Variants in TBC1D19 observed in about 807,000 individuals in gnomAD.
TBC1D19 encodes TBC1 domain family member 19.
A neutral mutation model predicts 89.0 loss-of-function variants in TBC1D19; 60 were observed. The observed-to-expected ratio is 0.67, with a 90% CI of 0.55 to 0.84. TBC1D19 has a LOEUF of 0.84. TBC1D19 is among the 40% of genes least tolerant of loss of function. TBC1D19 has a pLI of 0.00. For missense variants in TBC1D19, 500 were observed against 610.8 expected (o/e 0.82, Z 1.91); for synonymous variants, 189 against 199.7 (o/e 0.95, Z 0.45).
chr4:26,628,302 GT>G (rs1390818672), intron 4 of TBC1D19, among the ~76,000 whole-genome samples: 1 of 152,162 alleles, frequency 6.6e-6, no homozygotes, highest in African/African-American at 2.4e-5. Context: ...TTGAAGTATA[GT>G]TTGAAGTCAG....
At chr4:26,804,669 G>C in the TBC1D19 span, among the ~76,000 whole-genome samples, 3 of 152,130 alleles carry the variant, frequency 2.0e-5, no homozygotes, top group Non-Finnish European at 2.9e-5. Context: ...CGGCGGGCGG[G>C]AGCAGCCGCG....
At chr4:26,618,269 AC>A (rs1741822482) in intron 3 of TBC1D19, among the ~76,000 whole-genome samples, 1 of 152,216 alleles carries the variant, frequency 6.6e-6, no homozygotes, top group South Asian at 2.1e-4. Context: ...TACAAGGAAC[AC>A]GTAAGGCCGG....
the TBC1D19 span, among the ~76,000 whole-genome samples, chr4:26,819,894 T>C: frequency 1.3e-5 from 2 of 152,204 alleles, no homozygotes; most frequent in African/African-American, 4.8e-5. Flanking sequence ...TTCCCTTCCC[T>C]TGACCTGGAA....
intron 13 of TBC1D19, among the ~76,000 whole-genome samples, chr4:26,710,259 C>T (rs1484169492): frequency 2.1e-4 from 32 of 149,246 alleles, no homozygotes; most frequent in East Asian, 1.0e-3. Context: ...TCAATTCCCA[C>T]CTATGAGTGA....
At position 26,688,359 on chromosome 4, in the gene TBC1D19, A is replaced by C; in HGVS notation, c.906A>C (p.Thr302=). The stretch of plus-strand genomic sequence containing the variant: ...TTTAATTATAGGATGTGAAGTTGAC[A>C]GCAAGCAATGATGATTATTATTTTG... ...DSLIYKDVKL[T]ASNDDYYFVF... The change falls in exon 13 of 21, where the codon ACA becomes ACC. Residue 302 remains threonine, a synonymous_variant. Transcript: ENST00000264866. The C allele has an allele frequency of 6.4e-7, 1 of 1,570,766 alleles. No individual in the cohort carries two copies. Among genetic ancestry groups the C allele is most frequent in the Non-Finnish European group, 8.7e-7 (1 of 1,153,532 alleles).
At chr4:26,790,443 A>G in the TBC1D19 span, among the ~76,000 whole-genome samples, 1 of 152,244 alleles carries the variant, frequency 6.6e-6, no homozygotes, top group Non-Finnish European at 1.5e-5. Flanking sequence ...ATAGGTTGTT[A>G]TAAGAATTAA....
At chr4:26,793,382 T>C in the TBC1D19 span, among the ~76,000 whole-genome samples, 1 of 152,174 alleles carries the variant, frequency 6.6e-6, no homozygotes, top group East Asian at 1.9e-4. Context: ...TTCAAAGGGA[T>C]CAAATCAGCT....
the TBC1D19 span, among the ~76,000 whole-genome samples, chr4:26,809,312 C>G: frequency 6.6e-6 from 1 of 152,180 alleles, no homozygotes; most frequent in Admixed American, 6.5e-5. Context: ...CTCTGTTTTT[C>G]AGTTCCTATG....
intron 1 of TBC1D19, among the ~76,000 whole-genome samples, chr4:26,578,989 T>TA (rs1285423161): frequency 1.3e-5 from 2 of 152,232 alleles, no homozygotes; most frequent in Non-Finnish European, 2.9e-5. Flanking sequence ...TCCTGTCATG[T>TA]AATCTGCTAC....
At chr4:26,782,195 G>A in the TBC1D19 span, among the ~76,000 whole-genome samples, 2 of 152,206 alleles carry the variant, frequency 1.3e-5, no homozygotes, top group Non-Finnish European at 2.9e-5. Flanking sequence ...TGGTTCAGAT[G>A]TCAAAACTGA....
At chr4:26,612,855 A>C (rs933307568) in intron 1 of TBC1D19, among the ~76,000 whole-genome samples, 1 of 152,098 alleles carries the variant, frequency 6.6e-6, no homozygotes, top group African/African-American at 2.4e-5. Flanking sequence ...ATGAATTTAT[A>C]AAATCTGAGT....
chr4:26,596,617 G>GT (rs35281818), intron 1 of TBC1D19, among the ~76,000 whole-genome samples: 105,989 of 136,434 alleles, frequency 0.78, 44,755 homozygotes, highest in Non-Finnish European at 0.94. Flanking sequence ...CTTTCCTCCT[G>GT]TTTTTTTTTT....
intron 1 of TBC1D19, among the ~76,000 whole-genome samples, chr4:26,607,692 T>C (rs1741099352): frequency 6.6e-6 from 1 of 152,258 alleles, no homozygotes; most frequent in Non-Finnish European, 1.5e-5. Flanking sequence ...CTCTTTCAGA[T>C]GCACTAAATA....
intron 15 of TBC1D19, among the ~76,000 whole-genome samples, chr4:26,726,126 AACACACAC>A (rs56262902): frequency 0.11 from 13,901 of 127,014 alleles, 894 homozygotes; most frequent in African/African-American, 0.19. Context: ...CAATTCTCCC[AACACACAC>A]ACACACACAC....
In TBC1D19 at chr4:26,614,434, G is replaced by C; in HGVS notation, c.199G>C (p.Val67Leu). The change falls in exon 3 of 21, where the codon GTT (valine) becomes CTT (leucine). Residue 67 changes from valine to leucine, a missense_variant. Val to Leu is a conservative substitution (Grantham distance 32). Coordinates refer to ENST00000264866, the MANE Select transcript of TBC1D19 (RefSeq NM_018317.4). Reference protein sequence around the residue: ...SGWEKKLQNAVYSELSVFPLP... With the variant: ...SGWEKKLQNALYSELSVFPLP... ...TTGGGAGAAGAAACTTCAGAATGCT[G>C]TTTATAGTGAACTGAGTGTGTGAGT... The C allele has an allele frequency of 6.3e-7, 1 of 1,593,392 alleles. No individual in the cohort carries two copies. Among genetic ancestry groups the C allele is most frequent in the Non-Finnish European group, 8.5e-7 (1 of 1,170,908 alleles).
chr4:26,840,304 A>G, the TBC1D19 span, among the ~76,000 whole-genome samples: 1 of 151,892 alleles, frequency 6.6e-6, no homozygotes, highest in African/African-American at 2.4e-5. Flanking sequence ...ATGGTCTCAA[A>G]CTCCTGACCT....
intron 13 of TBC1D19, among the ~76,000 whole-genome samples, chr4:26,715,160 T>C (rs1325843584): frequency 1.3e-5 from 2 of 152,080 alleles, no homozygotes; most frequent in East Asian, 3.9e-4. Flanking sequence ...TCCATTTAGA[T>C]GTCTTGCAGA....
intron 1 of TBC1D19, among the ~76,000 whole-genome samples, chr4:26,600,406 A>G (rs1740513370): frequency 6.6e-6 from 1 of 152,234 alleles, no homozygotes; most frequent in African/African-American, 2.4e-5. Flanking sequence ...TAGAAAATAC[A>G]TATGTAAGGG....
chr4:26,750,294 A>G (rs1040117253), intron 19 of TBC1D19, among the ~76,000 whole-genome samples: 1 of 152,208 alleles, frequency 6.6e-6, no homozygotes, highest in African/African-American at 2.4e-5. Flanking sequence ...GTGTGCCAGA[A>G]AATTTGAAGA....
Sources: gnomAD v4.1 joint callset for allele counts (sites outside exome capture counted in the v4.1 genomes callset) on GRCh38, gnomAD v4.1.1 for gene constraint, MANE v1.5 for transcripts, NCBI Gene and HGNC (gene_info 2026-07-23, HGNC 2026-07-21) for gene names.